COL18A1: variants seen among roughly 807,000 people sequenced by gnomAD.
COL18A1 encodes collagen alpha-1(XVIII) chain.
In COL18A1, 133 loss-of-function variants were observed where a neutral mutation model predicts 168.0. That is an observed-to-expected ratio of 0.79 (90% CI 0.69 to 0.91). COL18A1 has a LOEUF of 0.91. Among genes scored for constraint, COL18A1 ranks in the 40% least tolerant of loss-of-function variants. COL18A1 has a pLI of 0.00. For missense variants in COL18A1, 2,126 were observed against 1,925.4 expected (o/e 1.10, Z -1.95); for synonymous variants, 949 against 809.0 (o/e 1.17, Z -2.94).
intron 38 of COL18A1, 49 bp from the exon 39 acceptor site, chr21:45,509,307 G>C (rs759760173): frequency 5.2e-6 from 8 of 1,535,288 alleles, no homozygotes; most frequent in Non-Finnish European, 5.2e-6. Flanking sequence ...TGGAGGAGGG[G>C]CACCCGGAGG....
intron 39 of COL18A1, 22 bp from the exon 40 acceptor site, chr21:45,510,042 T>G: frequency 1.3e-6 from 2 of 1,541,964 alleles, no homozygotes; most frequent in Non-Finnish European, 8.7e-7. Context: ...ACACAGCCCG[T>G]GACGCGCCCC....
At chr21:45,504,779 C>T (rs1030838683) in intron 34 of COL18A1, among the ~76,000 whole-genome samples, 8 of 152,148 alleles carry the variant, frequency 5.3e-5, no homozygotes, top group African/African-American at 1.9e-4. Context: ...GTTCCATGGC[C>T]TGCCCTCCTG....
At chr21:45,430,860 C>T (rs555387412) in intron 2 of COL18A1, among the ~76,000 whole-genome samples, 5 of 152,322 alleles carry the variant, frequency 3.3e-5, no homozygotes, top group Admixed American at 3.3e-4. Flanking sequence ...GTGGTCACCC[C>T]ATGAGGCAGG....
intron 2 of COL18A1, among the ~76,000 whole-genome samples, chr21:45,426,553 C>T (rs539396991): frequency 1.1e-4 from 16 of 152,328 alleles, no homozygotes; most frequent in African/African-American, 3.4e-4. Flanking sequence ...TGGAAGCCCC[C>T]GGAAACCCTG....
At chr21:45,497,133 A>C (rs1475917972) in intron 31 of COL18A1, 41 bp downstream of exon 31, 1 of 1,321,664 alleles carries the variant, frequency 7.6e-7, no homozygotes, top group African/African-American at 1.4e-5. Flanking sequence ...CAGGCTCTGA[A>C]GGGATGCTCC....
In COL18A1 at chr21:45,505,353, T is replaced by C. The variant is rs2037132762; in HGVS notation, c.3014-5T>C. ...CGTGTTCCCACCTTGGTTTCTCTCC[T>C]GCAGCTATCAGCGTTCCCGGCCCTC... On this transcript the variant is annotated splice_region_variant and splice_polypyrimidine_tract_variant and intron_variant, in intron 35 of 41. Transcript: ENST00000651438. The C allele has an allele frequency of 6.3e-7, 1 of 1,594,668 alleles. No individual in the cohort carries two copies. The highest frequency in any genetic ancestry group is 2.2e-5 in the East Asian group (1 of 44,740).
At chr21:45,495,819 A>G (rs1190545284) in intron 29 of COL18A1, 1 of 338,106 alleles carries the variant, frequency 3.0e-6, no homozygotes, top group Non-Finnish European at 5.8e-6. Context: ...GAGCCTGTCC[A>G]CGTGCACACC....
chr21:45,464,217 G>A (rs1339981015), intron 2 of COL18A1, among the ~76,000 whole-genome samples: 1 of 152,210 alleles, frequency 6.6e-6, no homozygotes, highest in African/African-American at 2.4e-5. Flanking sequence ...GTCCCTCGGT[G>A]GGAGCTCCAA....
At chr21:45,494,257 C>CACCCTCA in intron 26 of COL18A1, 1 of 501,476 alleles carries the variant, frequency 2.0e-6, no homozygotes, top group Non-Finnish European at 3.6e-6. Flanking sequence ...CTCCACCCTC[C>CACCCTCA]ACCCTCCACC....
At position 45,480,152 on chromosome 21, in the gene COL18A1, A is replaced by G. The variant is rs2035842166; in HGVS notation, c.1394A>G (p.Lys465Arg). 6.4e-7 allele frequency: 1 copy of G among 1,564,870 alleles called. No homozygotes were observed. Among genetic ancestry groups the G allele is most frequent in the Non-Finnish European group, 8.8e-7 (1 of 1,137,012 alleles). ...CCAGGACCCTCCTTCAGACACGACA[A>G]GCTGGTAAGTCCCGCCCTTGGCTTC... Reference protein sequence around the residue: ...GPPGPSFRHDKLTFIDMEGSG... With the variant: ...GPPGPSFRHDRLTFIDMEGSG... Residue 465 changes from lysine (K) to arginine (R), a missense_variant, in exon 11 of 42, where the codon AAG becomes AGG. Physicochemically the swap from Lys to Arg is conservative, Grantham distance 26. Coordinates refer to ENST00000651438, the MANE Select transcript of COL18A1 (RefSeq NM_001379500.1).
intron 15 of COL18A1, 110 bp from the exon 16 acceptor site, chr21:45,486,750 CT>C (rs895060235): frequency 8.1e-7 from 1 of 1,240,974 alleles, no homozygotes. Flanking sequence ...TGTTCCTTAC[CT>C]TTTGATTTGC....
Position 45,509,621 on chromosome 21 carries a change from G to T in COL18A1, c.3495+20G>T. 1 of 1,348,218 alleles carries T rather than the reference G, an allele frequency of 7.4e-7. No individual in the cohort carries two copies. The allele number at this position is 1,348,218 out of a possible 1,614,324, so 83.5% of individuals were successfully genotyped here. ...CCGGTGGTGAGTGCCCCCCCAAAGT[G>T]GGCTTGGCTCCATCTAGCCCCTCGG... On this transcript the variant is annotated intron_variant, in intron 39 of 41. Coordinates refer to ENST00000651438, the MANE Select transcript of COL18A1 (RefSeq NM_001379500.1).
At chr21:45,470,081 C>T (rs936383694) in intron 3 of COL18A1, among the ~76,000 whole-genome samples, 5 of 152,236 alleles carry the variant, frequency 3.3e-5, no homozygotes, top group Admixed American at 6.5e-5. Flanking sequence ...GCCGAGAGCT[C>T]GGTACGTGGG....
chr21:45,479,315 A>C (rs1568906729), intron 9 of COL18A1, among the ~76,000 whole-genome samples: 3 of 151,706 alleles, frequency 2.0e-5, no homozygotes, highest in Non-Finnish European at 4.4e-5. Context: ...ACCACACATT[A>C]CACCACACGT....
rs1015928875 is a variant in COL18A1 at position 45,496,898 on chromosome 21, C to T, written c.2578-152C>T. On this transcript the variant is annotated intron_variant, in intron 30 of 41. Coordinates refer to ENST00000651438, the MANE Select transcript of COL18A1 (RefSeq NM_001379500.1). ...GCGTCAGGCCGTGGCTCCTGCTCTCCGTACCCCTGTTCCCTCCCGTCTCTG... is the reference window on the plus strand; with the variant it reads ...GCGTCAGGCCGTGGCTCCTGCTCTCTGTACCCCTGTTCCCTCCCGTCTCTG... 78 of 705,130 alleles carry T rather than the reference C, an allele frequency of 1.1e-4. No homozygotes were observed. The East Asian group carries it at 1.5e-3, about 14-fold the overall frequency. 43.7% of individuals were successfully genotyped at this position (705,130 alleles called of 1,614,324 possible). A position where few individuals can be genotyped will look rare whatever the true frequency, so the allele number is the denominator to read the frequency against.
chr21:45,428,239 G>C (rs561004914), intron 2 of COL18A1, among the ~76,000 whole-genome samples: 1 of 152,296 alleles, frequency 6.6e-6, no homozygotes, highest in African/African-American at 2.4e-5. Context: ...GGGCCTCAAA[G>C]ACGCAGCGCT....
At chr21:45,470,840 T>TA (rs969093567) in intron 3 of COL18A1, among the ~76,000 whole-genome samples, 11 of 152,122 alleles carry the variant, frequency 7.2e-5, no homozygotes, top group African/African-American at 2.4e-4. Context: ...CACCATGACT[T>TA]ACAACAGCCC....
chr21:45,407,999 T>C (rs954941226), intron 2 of COL18A1: 12 of 152,288 alleles, frequency 7.9e-5, no homozygotes, highest in African/African-American at 2.9e-4. Flanking sequence ...GTCTTGTTTC[T>C]GGGCTCACCC....
At chr21:45,429,520 T>C (rs1437330159) in intron 2 of COL18A1, among the ~76,000 whole-genome samples, 1 of 152,216 alleles carries the variant, frequency 6.6e-6, no homozygotes, top group Non-Finnish European at 1.5e-5. Flanking sequence ...CTCGGCTGCA[T>C]AGAACATGGC....
Sources: gnomAD v4.1 joint callset for allele counts (sites outside exome capture counted in the v4.1 genomes callset) on GRCh38, gnomAD v4.1.1 for gene constraint, MANE v1.5 for transcripts, NCBI Gene and HGNC (gene_info 2026-07-23, HGNC 2026-07-21) for gene names.